TRABD: variants seen among roughly 807,000 people sequenced by gnomAD.
The protein encoded by TRABD is traB domain-containing protein.
A neutral mutation model predicts 39.6 loss-of-function variants in TRABD; 23 were observed. The observed-to-expected ratio is 0.58, with a 90% CI of 0.42 to 0.82. The LOEUF is 0.82. TRABD is among the 40% of genes least tolerant of loss of function. The pLI, the probability that TRABD is intolerant of heterozygous loss-of-function variation, is 0.00. For missense variants in TRABD, 487 were observed against 544.9 expected (o/e 0.89, Z 1.06); for synonymous variants, 243 against 232.1 (o/e 1.05, Z -0.43).
intron 1 of TRABD, among the ~76,000 whole-genome samples, chr22:50,186,283 G>A (rs1602413050): frequency 2.8e-5 from 4 of 144,422 alleles, no homozygotes; most frequent in Admixed American, 2.7e-4. Flanking sequence ...GGCCGGGCCC[G>A]GGTCAGGTTT....
chr22:50,198,267 C>T lies in TRABD; in HGVS notation c.957-78C>T, dbSNP rs1263654779. On this transcript the variant is annotated intron_variant, in intron 9 of 9. Coordinates refer to ENST00000380909, the MANE Select transcript of TRABD (RefSeq NM_001320485.2). The surrounding 1 kb of genome is among the most constrained non-coding windows in gnomAD (Gnocchi z 7.9). ...GAGCGCCCTGGAGGCCAACCACATG[C>T]GGCAGTGACCCAGGCATGGGGGCTG... 7.2e-6 allele frequency: 11 copies of T among 1,517,338 alleles called. No homozygotes were observed. The highest frequency in any genetic ancestry group is 1.8e-4 in the Middle Eastern group (1 of 5,458). The allele number at this position is 1,517,338 out of a possible 1,614,324, so 94.0% of individuals were successfully genotyped here.
At chr22:50,191,447 C>T (rs1321682700) in intron 1 of TRABD, among the ~76,000 whole-genome samples, 3 of 152,236 alleles carry the variant, frequency 2.0e-5, no homozygotes, top group African/African-American at 7.2e-5. Context: ...TCTGTGCCTG[C>T]TGTGGCTGTG....
chr22:50,195,970 C>T (rs1409149633), intron 5 of TRABD, among the ~76,000 whole-genome samples: 5 of 152,188 alleles, frequency 3.3e-5, no homozygotes, highest in East Asian at 1.9e-4. Flanking sequence ...GGGCAGTCCC[C>T]GGTCCAGCCA....
intron 3 of TRABD, among the ~76,000 whole-genome samples, chr22:50,194,076 C>T (rs732710): frequency 0.2 from 30,341 of 152,196 alleles, 3,035 homozygotes; most frequent in East Asian, 0.25. Context: ...CAGCAACCCC[C>T]AAGGTCGCCC....
intron 5 of TRABD, among the ~76,000 whole-genome samples, chr22:50,195,548 C>T (rs945451517): frequency 7.9e-5 from 12 of 151,936 alleles, no homozygotes; most frequent in Admixed American, 5.2e-4. Context: ...CTGCAACCTT[C>T]GCCTCCTGGG....
In TRABD at chr22:50,194,601, G is replaced by A. The variant is rs560947820; in HGVS notation, c.279+95G>A. 6.5e-5 allele frequency: 99 copies of A among 1,515,250 alleles called. 1 individual carries two copies. The highest frequency in any genetic ancestry group is 8.3e-5 in the Non-Finnish European group (93 of 1,123,250). 93.9% of individuals were successfully genotyped at this position (1,515,250 alleles called of 1,614,324 possible). A position where few individuals can be genotyped will look rare whatever the true frequency, so the allele number is the denominator to read the frequency against. On this transcript the variant is annotated intron_variant, in intron 4 of 9. Transcript: ENST00000380909. ...CTCCCGGCAGGGCCCGTGTGCCCGTGTGTGCGCACCGCAGGCCTCCTGCTT... is the reference window on the plus strand; with the variant it reads ...CTCCCGGCAGGGCCCGTGTGCCCGTATGTGCGCACCGCAGGCCTCCTGCTT...
Position 50,198,157 on chromosome 22 carries a change from C to A in TRABD, c.927C>A (p.Ser309Arg). 6.2e-7 allele frequency: 1 copy of A among 1,612,336 alleles called. No individual in the cohort carries two copies. Among genetic ancestry groups the A allele is most frequent in the South Asian group, 1.1e-5 (1 of 90,990 alleles). ...GHVPGIEKNW[S>R]TDLNIQEIMT... ...TGCCTGGCATCGAGAAGAACTGGAGCACCGACCTCAACATCCAGGAGATCA... is the reference window on the plus strand; with the variant it reads ...TGCCTGGCATCGAGAAGAACTGGAGAACCGACCTCAACATCCAGGAGATCA... Residue 309 changes from serine to arginine, a missense_variant, in exon 9 of 10, where the codon AGC becomes AGA. Ser to Arg is a moderately radical substitution (Grantham distance 110). Transcript: ENST00000380909. This position sits in a 1 kb window ranked among gnomAD's most constrained non-coding sequence, Gnocchi z 7.9.
At position 50,198,494 on chromosome 22, in the gene TRABD, G is replaced by C. The variant is rs373082890; in HGVS notation, c.1106G>C (p.Arg369Thr). 1 of 1,576,680 alleles carries C rather than the reference G, an allele frequency of 6.3e-7. No homozygotes were observed. ...SLPAAQYCLQ[R>T]VTEARHK Reference sequence around the variant, plus strand: ...CCCGCCGCGCAGTACTGCCTGCAGAGGGTGACCGAGGCCCGGCACAAGTAG... The same window carrying C: ...CCCGCCGCGCAGTACTGCCTGCAGACGGTGACCGAGGCCCGGCACAAGTAG... The change falls in exon 10 of 10, where the codon AGG (arginine) becomes ACG (threonine). Residue 369 changes from arginine to threonine, a missense_variant. By Grantham distance (71) the Arg-to-Thr change is moderately conservative (BLOSUM62 -1). This residue lies in a region of TRABD where 123 missense variants were observed against 108.3 expected (regional missense o/e 1.14). Transcript: ENST00000380909. This position sits in a 1 kb window ranked among gnomAD's most constrained non-coding sequence, Gnocchi z 7.9.
intron 5 of TRABD, 78 bp from the exon 6 acceptor site, chr22:50,197,163 G>T: frequency 7.1e-7 from 1 of 1,410,258 alleles, no homozygotes. Flanking sequence ...GGTGCTGCCT[G>T]CCATCCCAGT....
At chr22:50,197,697 G>C in intron 7 of TRABD, 109 bp downstream of exon 7, 2 of 1,570,398 alleles carry the variant, frequency 1.3e-6, no homozygotes, top group Non-Finnish European at 1.7e-6. Flanking sequence ...GGCCTTCCCT[G>C]CCCTTTCCTT....
chr22:50,199,511 G>A lies in TRABD; in HGVS notation c.*992G>A, dbSNP rs932843285. ...CCGACTCGGTGTTGAATCAAATCAG[G>A]TGTGCGTCAGGAGCCGGCTGTGTCC... On this transcript the variant is annotated 3_prime_UTR_variant, in exon 10 of 10. Coordinates refer to ENST00000380909, the MANE Select transcript of TRABD (RefSeq NM_001320485.2). 11 of 186,046 alleles carry A rather than the reference G, an allele frequency of 5.9e-5. No individual in the cohort carries two copies. Among genetic ancestry groups the A allele is most frequent in the African/African-American group, 2.3e-4 (10 of 42,870 alleles). The allele number at this position is 186,046 out of a possible 1,614,324, so 11.5% of individuals were successfully genotyped here. A position where few individuals can be genotyped will look rare whatever the true frequency, so the allele number is the denominator to read the frequency against.
At chr22:50,193,890 G>A (rs916698720) in intron 3 of TRABD, among the ~76,000 whole-genome samples, 2 of 10,662 alleles carry the variant, frequency 1.9e-4, no homozygotes, top group African/African-American at 4.6e-3. Flanking sequence ...AGGCCCCTGG[G>A]CATGGGGGGC....
At chr22:50,194,651 C>G in intron 4 of TRABD, 145 bp downstream of exon 4, 1 of 1,367,724 alleles carries the variant, frequency 7.3e-7, no homozygotes, top group Non-Finnish European at 9.9e-7. Flanking sequence ...CTGGGAGTGG[C>G]AAGGTGGGCT....
intron 1 of TRABD, chr22:50,192,496 A>G: frequency 6.5e-6 from 1 of 152,904 alleles, no homozygotes; most frequent in Non-Finnish European, 1.5e-5. Flanking sequence ...GTGGGAGAGA[A>G]GGTCTTAGGT....
At position 50,198,617 on chromosome 22, in the gene TRABD, C is replaced by T. The variant is rs1393507145; in HGVS notation, c.*98C>T. The T allele has an allele frequency of 3.9e-6, 5 of 1,284,594 alleles. No individual in the cohort carries two copies. The African/African-American group carries it at 6.1e-5, about 16-fold the overall frequency. 79.6% of individuals were successfully genotyped at this position (1,284,594 alleles called of 1,614,324 possible). A position where few individuals can be genotyped will look rare whatever the true frequency, so the allele number is the denominator to read the frequency against. On this transcript the variant is annotated 3_prime_UTR_variant, in exon 10 of 10. Coordinates refer to ENST00000380909, the MANE Select transcript of TRABD (RefSeq NM_001320485.2). This position sits in a 1 kb window ranked among gnomAD's most constrained non-coding sequence, Gnocchi z 7.9. ...CCTAGCCCGCCCGAGGCCCCTGCCA[C>T]CCCCCATGGGGGTCTGGGCCCGGCC...
chr22:50,197,100 TG>T, intron 5 of TRABD, 140 bp from the exon 6 acceptor site: 1 of 796,764 alleles, frequency 1.3e-6, no homozygotes, highest in Non-Finnish European at 2.0e-6. Flanking sequence ...GTCCTGCACC[TG>T]TCGGGGAGGG....
Position 50,194,894 on chromosome 22 carries a change from T to C in TRABD, c.280-6T>C, listed in dbSNP as rs772210581. The C allele has an allele frequency of 6.2e-7, 1 of 1,611,452 alleles. No homozygotes were observed. The highest frequency in any genetic ancestry group is 8.5e-7 in the Non-Finnish European group (1 of 1,179,478). ...GTTCTCGAGGTGTGACCTGTGGCTG[T>C]TGCAGACCATCCGGGAGGTGCAGCC... On this transcript the variant is annotated splice_region_variant and splice_polypyrimidine_tract_variant and intron_variant, in intron 4 of 9. Transcript: ENST00000380909.
chr22:50,193,597 C>T lies in TRABD; in HGVS notation c.55C>T (p.Pro19Ser), dbSNP rs372847795. 1.2e-6 allele frequency: 2 copies of T among 1,613,798 alleles called. No homozygotes were observed. Among genetic ancestry groups the T allele is most frequent in the Non-Finnish European group, 1.7e-6 (2 of 1,179,956 alleles). The change falls in exon 3 of 10, where the codon CCG (proline) becomes TCG (serine). Residue 19 changes from proline (P) to serine (S), a missense_variant. Physicochemically the swap from Pro to Ser is moderately conservative, Grantham distance 74 (BLOSUM62 -1). Coordinates refer to ENST00000380909, the MANE Select transcript of TRABD (RefSeq NM_001320485.2). ...GCAGGCCAACGTGGAACCTGTTGTG[C>T]CGTCAGAGGCTTCAGAGCCGGTGCC... ...PHEANVEPVV[P>S]SEASEPVPRV...
chr22:50,195,070 A>G, intron 5 of TRABD, 30 bp downstream of exon 5: 1 of 1,538,136 alleles, frequency 6.5e-7, no homozygotes, highest in Non-Finnish European at 8.7e-7. Flanking sequence ...GGTCAGGGTC[A>G]GGGTCGGGGT....
Sources: allele counts gnomAD v4.1 joint callset (sites outside exome capture counted in the v4.1 genomes callset), GRCh38; gene constraint gnomAD v4.1.1; regional missense constraint gnomAD v4.1.1; non-coding constraint Gnocchi (gnomAD v3.1); transcripts MANE v1.5; gene names NCBI Gene and HGNC (gene_info 2026-07-23, HGNC 2026-07-21).